Variants in TRPS1 observed in about 807,000 individuals in gnomAD.
TRPS1 encodes the protein transcriptional repressor GATA binding 1, also known as zinc finger transcription factor Trps1.
Under a neutral mutation model 101.2 loss-of-function variants are expected in TRPS1, and 6 were observed. The ratio of observed to expected loss-of-function variants is 0.06; its 90% confidence interval spans 0.03 to 0.12. The LOEUF is 0.12. Among genes scored for constraint, TRPS1 ranks in the 10% least tolerant of loss-of-function variants. TRPS1 has a pLI of 1.00. For synonymous variants in TRPS1, 578 were observed against 589.8 expected (o/e 0.98, Z 0.29); for missense variants, 1,363 against 1,567.0 (o/e 0.87, Z 2.20).
At chr8:115,487,779 C>T (rs1814920914) in intron 5 of TRPS1, among the ~76,000 whole-genome samples, 1 of 152,140 alleles carries the variant, frequency 6.6e-6, no homozygotes, top group South Asian at 2.1e-4. Flanking sequence ...GGAGTTGCTT[C>T]TTATGGATGA....
At chr8:115,466,323 G>A (rs1586301826) in intron 5 of TRPS1, among the ~76,000 whole-genome samples, 1 of 152,010 alleles carries the variant, frequency 6.6e-6, no homozygotes, top group South Asian at 2.1e-4. Context: ...AGGTTAAAGG[G>A]GAAACATAAT....
intron 5 of TRPS1, among the ~76,000 whole-genome samples, chr8:115,581,465 T>A (rs985546484): frequency 1.3e-5 from 2 of 152,072 alleles, no homozygotes; most frequent in African/African-American, 4.8e-5. Context: ...ACCCTAATCC[T>A]TCCACCACAC....
At chr8:115,626,437 C>G (rs1382487434) in intron 1 of TRPS1, among the ~76,000 whole-genome samples, 1 of 151,778 alleles carries the variant, frequency 6.6e-6, no homozygotes, top group Non-Finnish European at 1.5e-5. Context: ...TCTATTTCTT[C>G]AGATTCCAAG....
At chr8:115,449,826 C>T (rs1586284684) in intron 5 of TRPS1, among the ~76,000 whole-genome samples, 1 of 152,104 alleles carries the variant, frequency 6.6e-6, no homozygotes, top group Non-Finnish European at 1.5e-5. Context: ...GCTGGGTTCC[C>T]ATCAGACTGC....
At chr8:115,664,947 G>T (rs1811887609) in intron 1 of TRPS1, among the ~76,000 whole-genome samples, 1 of 152,090 alleles carries the variant, frequency 6.6e-6, no homozygotes, top group Admixed American at 6.6e-5. Flanking sequence ...ATGTAAGCCA[G>T]TCATTTTAAG....
At chr8:115,561,976 TTAA>T (rs1816955714) in intron 5 of TRPS1, among the ~76,000 whole-genome samples, 1 of 152,096 alleles carries the variant, frequency 6.6e-6, no homozygotes, top group Non-Finnish European at 1.5e-5. Flanking sequence ...TTTTCAAAAC[TTAA>T]TGATGAACGA....
chr8:115,533,887 T>C (rs1273933382), intron 5 of TRPS1, among the ~76,000 whole-genome samples: 1 of 152,144 alleles, frequency 6.6e-6, no homozygotes, highest in East Asian at 1.9e-4. Flanking sequence ...CAAGCCCTCT[T>C]GTGTCTCTTC....
intron 5 of TRPS1, among the ~76,000 whole-genome samples, chr8:115,487,188 A>T (rs544387541): frequency 1.3e-5 from 2 of 152,268 alleles, no homozygotes; most frequent in African/African-American, 4.8e-5. Flanking sequence ...CAAAGCCTGG[A>T]TGACAGCACA....
At chr8:115,432,295 T>G (rs1813339855) in intron 5 of TRPS1, among the ~76,000 whole-genome samples, 1 of 151,816 alleles carries the variant, frequency 6.6e-6, no homozygotes, top group South Asian at 2.1e-4. Context: ...TACTACGTGC[T>G]TCAAAATGTT....
At chr8:115,424,157 A>G (rs800895) in intron 5 of TRPS1, among the ~76,000 whole-genome samples, 127,056 of 152,180 alleles carry the variant, frequency 0.83, 53,250 homozygotes, top group African/African-American at 0.9. Flanking sequence ...ATATTTACTC[A>G]CATTTTTTAT....
At chr8:115,635,027 T>A (rs1347759730) in intron 1 of TRPS1, among the ~76,000 whole-genome samples, 1 of 152,148 alleles carries the variant, frequency 6.6e-6, no homozygotes, top group Non-Finnish European at 1.5e-5. Flanking sequence ...TGGCAGGTAA[T>A]CCATGTAGTC....
At chr8:115,654,376 C>T (rs1035550306) in intron 1 of TRPS1, among the ~76,000 whole-genome samples, 2 of 152,070 alleles carry the variant, frequency 1.3e-5, no homozygotes, top group Non-Finnish European at 2.9e-5. Flanking sequence ...ATTTTTCTTT[C>T]ATTAGTTTTT....
intron 3 of TRPS1, among the ~76,000 whole-genome samples, chr8:115,609,129 C>T (rs780823130): frequency 3.3e-5 from 5 of 152,120 alleles, no homozygotes; most frequent in Non-Finnish European, 7.4e-5. Flanking sequence ...TTACGGCATG[C>T]ACCACCATGC....
intron 5 of TRPS1, among the ~76,000 whole-genome samples, chr8:115,490,495 GAAT>G (rs1453515216): frequency 3.5e-4 from 54 of 152,156 alleles, no homozygotes; most frequent in Non-Finnish European, 6.9e-4. Flanking sequence ...TAGGGCTAAT[GAAT>G]AATGTTCTAA....
intron 5 of TRPS1, among the ~76,000 whole-genome samples, chr8:115,535,307 C>CATATATAGCATATATATAGCAT (rs1554583849): frequency 1.5e-5 from 2 of 132,416 alleles, no homozygotes; most frequent in South Asian, 2.5e-4. Flanking sequence ...ATATATATAG[C>CATATATAGCATATATATAGCAT]ATATATAGCA....
At chr8:115,606,378 T>G (rs1226471593) in intron 3 of TRPS1, among the ~76,000 whole-genome samples, 1 of 152,246 alleles carries the variant, frequency 6.6e-6, no homozygotes, top group Non-Finnish European at 1.5e-5. Context: ...TCCAGTATTA[T>G]AGTTCTAAGA....
chr8:115,541,261 G>C (rs1387447473), intron 5 of TRPS1, among the ~76,000 whole-genome samples: 1 of 152,074 alleles, frequency 6.6e-6, no homozygotes, highest in Admixed American at 6.6e-5. Context: ...GGTTACATAG[G>C]GATGGCTTAG....
intron 5 of TRPS1, among the ~76,000 whole-genome samples, chr8:115,461,023 C>T (rs762672469): frequency 6.6e-6 from 1 of 152,070 alleles, no homozygotes; most frequent in Admixed American, 6.6e-5. Flanking sequence ...GAGAGCTTCA[C>T]GCAAGGTTTC....
At chr8:115,560,457 G>A (rs374980540) in intron 5 of TRPS1, among the ~76,000 whole-genome samples, 1 of 152,086 alleles carries the variant, frequency 6.6e-6, no homozygotes, top group Non-Finnish European at 1.5e-5. Context: ...TAAATATCTA[G>A]GTTACTTTGT....
Sources: allele counts gnomAD v4.1 joint callset (sites outside exome capture counted in the v4.1 genomes callset), GRCh38; gene constraint gnomAD v4.1.1; transcripts MANE v1.5; gene names NCBI Gene and HGNC (gene_info 2026-07-23, HGNC 2026-07-21).